The following BBS9 variants were observed in gnomAD, a reference collection of about 807,000 sequenced individuals.
The protein encoded by BBS9 is Bardet-Biedl syndrome 9, also known as protein PTHB1.
A neutral mutation model predicts 117.7 loss-of-function variants in BBS9; 89 were observed. The observed-to-expected ratio is 0.76, with a 90% CI of 0.64 to 0.90. The LOEUF (loss-of-function observed/expected upper bound fraction) is 0.90, where lower values mean the gene tolerates loss of function less well. Among genes scored for constraint, BBS9 ranks in the 40% least tolerant of loss-of-function variants. The probability of loss-of-function intolerance (pLI) is 0.00; values close to 1 mark genes in which losing one functional copy is unlikely to be tolerated. For missense variants in BBS9, 982 were observed against 1,042.2 expected (o/e 0.94, Z 0.80); for synonymous variants, 379 against 370.9 (o/e 1.02, Z -0.25).
At chr7:33,368,562 A>G (rs2128716081) in intron 17 of BBS9, among the ~76,000 whole-genome samples, 1 of 148,188 alleles carries the variant, frequency 6.7e-6, no homozygotes, top group Admixed American at 6.7e-5. Flanking sequence ...ACGAATCTGT[A>G]TTGAGAGAAA....
chr7:33,177,650 C>A, intron 5 of BBS9, 59 bp downstream of exon 5: 3 of 1,201,102 alleles, frequency 2.5e-6, no homozygotes, highest in South Asian at 1.2e-5. Context: ...AATATTTGGT[C>A]ATATAAAACA....
chr7:33,439,651 C>T (rs1349440000), intron 19 of BBS9, among the ~76,000 whole-genome samples: 2 of 151,380 alleles, frequency 1.3e-5, no homozygotes, highest in East Asian at 3.9e-4. Context: ...GCCTCAGCTT[C>T]CCAAGTAGCT....
intron 19 of BBS9, among the ~76,000 whole-genome samples, chr7:33,500,387 G>A (rs189920361): frequency 2.6e-5 from 4 of 152,340 alleles, no homozygotes; most frequent in African/African-American, 9.6e-5. Flanking sequence ...AGAAGAAAGG[G>A]CACCCAGTAG....
intron 20 of BBS9, among the ~76,000 whole-genome samples, chr7:33,521,544 G>T (rs1276928224): frequency 6.6e-6 from 1 of 152,092 alleles, no homozygotes; most frequent in Non-Finnish European, 1.5e-5. Flanking sequence ...TGGTACTGGG[G>T]AATGAGAGTT....
chr7:33,435,928 T>G (rs1835242753), intron 19 of BBS9, among the ~76,000 whole-genome samples: 2 of 152,156 alleles, frequency 1.3e-5, no homozygotes, highest in African/African-American at 2.4e-5. Flanking sequence ...GAATTACCAG[T>G]GGATTCCTTG....
chr7:33,435,366 G>A (rs912294166), intron 19 of BBS9, among the ~76,000 whole-genome samples: 1 of 152,154 alleles, frequency 6.6e-6, no homozygotes, highest in African/African-American at 2.4e-5. Context: ...TTGATACTTT[G>A]TGAGTACAAT....
intron 14 of BBS9, chr7:33,351,576 C>G (rs569791059): frequency 1.1e-5 from 5 of 467,092 alleles, no homozygotes; most frequent in South Asian, 1.1e-4. Flanking sequence ...CATTTTTATT[C>G]CTAATAGAAG....
intron 20 of BBS9, among the ~76,000 whole-genome samples, chr7:33,526,978 C>T (rs1351845926): frequency 2.0e-5 from 3 of 148,826 alleles, no homozygotes; most frequent in Non-Finnish European, 3.0e-5. Context: ...ACAGGACCCT[C>T]AGCTGCAGGT....
Position 33,282,155 on chromosome 7 carries a change from C to G in BBS9, c.1016+8199C>G, listed in dbSNP as rs572554860. 5.9e-5 allele frequency among the ~76,000 whole-genome samples: 9 copies of G among 152,140 alleles called. No individual in the cohort carries two copies. The South Asian group carries it at 1.9e-3, about 32-fold the overall frequency. The stretch of plus-strand genomic sequence containing the variant: ...AATAGCTTTTAGAGAAAATAATAAC[C>G]TTTGTGGTTTTTGCAAAAAGTATAG... On this transcript the variant is annotated intron_variant, in intron 9 of 22. Transcript: ENST00000242067.
chr7:33,226,377 G>A (rs1186182677), intron 5 of BBS9, among the ~76,000 whole-genome samples: 2 of 152,086 alleles, frequency 1.3e-5, no homozygotes, highest in African/African-American at 2.4e-5. Flanking sequence ...TATCTGATAG[G>A]TCTTTTATTG....
At chr7:33,178,898 G>A (rs1489574994) in intron 5 of BBS9, among the ~76,000 whole-genome samples, 1 of 152,088 alleles carries the variant, frequency 6.6e-6, no homozygotes, top group Non-Finnish European at 1.5e-5. Flanking sequence ...CATAACTGAA[G>A]TGATGTGAAA....
intron 10 of BBS9, among the ~76,000 whole-genome samples, chr7:33,339,490 G>A (rs923406688): frequency 1.3e-5 from 2 of 152,160 alleles, no homozygotes; most frequent in African/African-American, 2.4e-5. Flanking sequence ...ATTCCAAATC[G>A]TGCAGTTTGG....
intron 19 of BBS9, among the ~76,000 whole-genome samples, chr7:33,396,567 A>G (rs1318772627): frequency 6.6e-6 from 1 of 152,166 alleles, no homozygotes; most frequent in Non-Finnish European, 1.5e-5. Flanking sequence ...TATTGTGCAC[A>G]TGGCCATATT....
rs773151470 is a variant in BBS9 at position 33,605,149 on chromosome 7, T to G, written c.2633-46T>G. On this transcript the variant is annotated intron_variant, in intron 22 of 22. Coordinates refer to ENST00000242067, the MANE Select transcript of BBS9 (RefSeq NM_198428.3). Reference sequence around the variant, plus strand: ...GATCCTTTGTGTATTCCTGTCACTATTCAGATCTTTTCTCTCTCTTTCTCT... The same window carrying G: ...GATCCTTTGTGTATTCCTGTCACTAGTCAGATCTTTTCTCTCTCTTTCTCT... The G allele has an allele frequency of 5.0e-5, 79 of 1,569,978 alleles. No individual in the cohort carries two copies. The South Asian group carries it at 8.4e-4, about 17-fold the overall frequency.
chr7:33,205,099 T>G (rs1274400201), intron 5 of BBS9, among the ~76,000 whole-genome samples: 1 of 152,212 alleles, frequency 6.6e-6, no homozygotes, highest in East Asian at 1.9e-4. Context: ...AAAGCAGCCA[T>G]CTAGTTTCCT....
intron 9 of BBS9, among the ~76,000 whole-genome samples, chr7:33,294,331 A>C (rs1562950857): frequency 2.1e-4 from 30 of 144,190 alleles, no homozygotes; most frequent in African/African-American, 7.8e-4. Context: ...CTATCTATCT[A>C]TCTATCTATC....
intron 19 of BBS9, among the ~76,000 whole-genome samples, chr7:33,500,732 G>T (rs2129009617): frequency 6.6e-6 from 1 of 152,336 alleles, no homozygotes; most frequent in African/African-American, 2.4e-5. Flanking sequence ...TGTTCACATA[G>T]TATGATGATT....
intron 19 of BBS9, among the ~76,000 whole-genome samples, chr7:33,483,100 T>TG (rs761718500): frequency 2.5e-4 from 38 of 151,398 alleles, no homozygotes; most frequent in Middle Eastern, 6.8e-3. Flanking sequence ...ACCTTTTCTT[T>TG]GGGGGGCGGG....
chr7:33,439,285 T>C (rs1835777140), intron 19 of BBS9, among the ~76,000 whole-genome samples: 1 of 152,214 alleles, frequency 6.6e-6, no homozygotes, highest in South Asian at 2.1e-4. Context: ...TGGGGTATTG[T>C]GATTTTTTAG....
Sources: gnomAD v4.1 joint callset for allele counts (sites outside exome capture counted in the v4.1 genomes callset) on GRCh38, gnomAD v4.1.1 for gene constraint, MANE v1.5 for transcripts, NCBI Gene and HGNC (gene_info 2026-07-23, HGNC 2026-07-21) for gene names.